TSPAN33: variants seen among roughly 807,000 people sequenced by gnomAD.
TSPAN33 encodes the protein tetraspanin-33.
Under a neutral mutation model 34.8 loss-of-function variants are expected in TSPAN33, and 27 were observed. The ratio of observed to expected loss-of-function variants is 0.78; its 90% CI spans 0.57 to 1.07. The LOEUF (loss-of-function observed/expected upper bound fraction) is 1.07, where lower values mean the gene tolerates loss of function less well. TSPAN33 is among the 50% of genes least tolerant of loss of function. The probability of loss-of-function intolerance (pLI) is 0.00; values close to 1 mark genes in which losing one functional copy is unlikely to be tolerated. For synonymous variants in TSPAN33, 119 were observed against 124.2 expected, an observed-to-expected ratio of 0.96 and a Z score of 0.28; for missense variants, 272 against 324.9, an observed-to-expected ratio of 0.84 and a Z score of 1.25.
At chr7:129,156,640 T>A (rs1445845229) in intron 1 of TSPAN33, among the ~76,000 whole-genome samples, 2 of 152,236 alleles carry the variant, frequency 1.3e-5, no homozygotes, top group Admixed American at 6.5e-5. Context: ...GCCTTGGCCA[T>A]TGGGAGCTCT....
At chr7:129,150,946 A>G (rs1322742377) in intron 1 of TSPAN33, among the ~76,000 whole-genome samples, 2 of 152,146 alleles carry the variant, frequency 1.3e-5, no homozygotes, top group Non-Finnish European at 2.9e-5. Flanking sequence ...AGAGAAAAGA[A>G]AAAAAGCTAA....
In TSPAN33 at chr7:129,150,776, G is replaced by A. The variant is rs1056868977; in HGVS notation, c.102+5694G>A. 3.3e-5 allele frequency among the ~76,000 whole-genome samples: 5 copies of A among 152,240 alleles called. No individual in the cohort carries two copies. In the East Asian group the frequency reaches 9.7e-4, roughly 29 times the overall value. On this transcript the variant is annotated intron_variant, in intron 1 of 7. Transcript: ENST00000486685. ...ATGCTCCTAGAGGTCACCTGCTGGG[G>A]GTGGGCGTGGAGAGTGAGGCTGAGC...
rs1318641947 is a variant in TSPAN33, at chr7:129,167,498, A to T, written c.688A>T (p.Asn230Tyr). The change falls in exon 7 of 8, where the codon AAC (asparagine) becomes TAC (tyrosine). Residue 230 changes from asparagine to tyrosine, a missense_variant. Coordinates refer to ENST00000486685, the MANE Select transcript of TSPAN33 (RefSeq NM_178562.5). This position sits in a 1 kb window ranked among gnomAD's most constrained non-coding sequence, Gnocchi z 4.6. ...YTNGCIDKLV[N>Y]WIHSNLFLLG... ...CAATGGCTGTATTGACAAGTTGGTCAACTGGATACACAGCAACCTATTCTT... is the reference window on the plus strand; with the variant it reads ...CAATGGCTGTATTGACAAGTTGGTCTACTGGATACACAGCAACCTATTCTT... 6.2e-7 allele frequency: 1 copy of T among 1,614,238 alleles called. No homozygotes were observed. The highest frequency in any genetic ancestry group is 1.1e-5 in the South Asian group (1 of 91,086).
chr7:129,165,135 C>A lies in TSPAN33; in HGVS notation c.459+566C>A, dbSNP rs567680592. Among the ~76,000 whole-genome samples, 4 of 152,292 alleles carry A rather than the reference C, an allele frequency of 2.6e-5. No individual in the cohort carries two copies. The South Asian group carries it at 8.3e-4, about 32-fold the overall frequency. Reference sequence around the variant, plus strand: ...AAACTCTGTATCCATCAAACACTAACTCCCCATTTCCTCTCTTGAATCTCT... The same window carrying A: ...AAACTCTGTATCCATCAAACACTAAATCCCCATTTCCTCTCTTGAATCTCT... On this transcript the variant is annotated intron_variant, in intron 5 of 7. Coordinates refer to ENST00000486685, the MANE Select transcript of TSPAN33 (RefSeq NM_178562.5). The surrounding 1 kb of genome is among the most constrained non-coding windows in gnomAD (Gnocchi z 4.5).
chr7:129,168,231 C>T lies in TSPAN33; in HGVS notation c.*357C>T, dbSNP rs111858341. The stretch of plus-strand genomic sequence containing the variant: ...CACCACCAGCTCTAGCAGGGATGCT[C>T]CTGAGCTTGGCGGACATACTTAGAT... On this transcript the variant is annotated 3_prime_UTR_variant, in exon 8 of 8. Coordinates refer to ENST00000486685, the MANE Select transcript of TSPAN33 (RefSeq NM_178562.5). 1,211 of 235,116 alleles carry T rather than the reference C, an allele frequency of 5.2e-3. 2 individuals carry two copies. Among genetic ancestry groups the T allele is most frequent in the Non-Finnish European group, 8.1e-3 (948 of 117,232 alleles). The allele number at this position is 235,116 out of a possible 1,614,324, so 14.6% of individuals were successfully genotyped here.
Position 129,167,484 on chromosome 7 carries a change from T to C in TSPAN33, c.674T>C (p.Ile225Thr). ...ASKVIYTNGCIDKLVNWIHSN... is the reference protein window; with the variant it reads ...ASKVIYTNGCTDKLVNWIHSN... Reference sequence around the variant, plus strand: ...AAAGTCATCTACACCAATGGCTGTATTGACAAGTTGGTCAACTGGATACAC... The same window carrying C: ...AAAGTCATCTACACCAATGGCTGTACTGACAAGTTGGTCAACTGGATACAC... Residue 225 changes from isoleucine to threonine, a missense_variant, in exon 7 of 8, where the codon ATT becomes ACT. Coordinates refer to ENST00000486685, the MANE Select transcript of TSPAN33 (RefSeq NM_178562.5). The surrounding 1 kb of genome is among the most constrained non-coding windows in gnomAD (Gnocchi z 4.6). 3.1e-6 allele frequency: 5 copies of C among 1,614,238 alleles called. No individual in the cohort carries two copies. Among genetic ancestry groups the C allele is most frequent in the Non-Finnish European group, 4.2e-6 (5 of 1,180,030 alleles).
At chr7:129,166,702 G>A in intron 5 of TSPAN33, 76 bp from the exon 6 acceptor site, 1 of 1,557,854 alleles carries the variant, frequency 6.4e-7, no homozygotes, top group South Asian at 1.2e-5. Flanking sequence ...TAGACTTTTG[G>A]TGGCTCTGAG....
intron 1 of TSPAN33, among the ~76,000 whole-genome samples, chr7:129,156,681 C>T (rs1472573939): frequency 6.6e-6 from 1 of 152,152 alleles, no homozygotes; most frequent in East Asian, 1.9e-4. Context: ...CTTTGGGATG[C>T]TCACATTGAT....
chr7:129,151,017 T>C (rs1810586436), intron 1 of TSPAN33, among the ~76,000 whole-genome samples: 3 of 152,232 alleles, frequency 2.0e-5, no homozygotes, highest in South Asian at 2.1e-4. Flanking sequence ...ACTTCCTATA[T>C]ATCCCATGAA....
Position 129,162,447 on chromosome 7 carries a change from G to C in TSPAN33, c.214G>C (p.Gly72Arg). Residue 72 changes from glycine to arginine, a missense_variant, in exon 3 of 8, where the codon GGT becomes CGT. Coordinates refer to ENST00000486685, the MANE Select transcript of TSPAN33 (RefSeq NM_178562.5). Reference protein sequence around the residue: ...VDPAILLIVVGVLMFLLTFCG... With the variant: ...VDPAILLIVVRVLMFLLTFCG... ...CCCTGCCATCCTGCTGATCGTGGTGGGTGTCCTCATGTTCCTGCTCACCTT... is the reference window on the plus strand; with the variant it reads ...CCCTGCCATCCTGCTGATCGTGGTGCGTGTCCTCATGTTCCTGCTCACCTT... 1 of 1,613,946 alleles carries C rather than the reference G, an allele frequency of 6.2e-7. No homozygotes were observed. The highest frequency in any genetic ancestry group is 8.5e-7 in the Non-Finnish European group (1 of 1,180,030).
rs1229796554 is a variant in TSPAN33, at chr7:129,169,500, G to C, written c.*1626G>C. ...GGCGCTCAGACCAGGGGCTCGGCCT[G>C]GCGGGAAATAGCCTCGACCGAACTG... is the stretch of plus-strand genomic sequence containing the variant. On this transcript the variant is annotated 3_prime_UTR_variant, in exon 8 of 8. Coordinates refer to ENST00000486685, the MANE Select transcript of TSPAN33 (RefSeq NM_178562.5). 1.3e-5 allele frequency: 2 copies of C among 152,258 alleles called. No homozygotes were observed. Among genetic ancestry groups the C allele is most frequent in the Admixed American group, 1.3e-4 (2 of 15,276 alleles). The allele number at this position is 152,258 out of a possible 1,614,324, so 9.4% of individuals were successfully genotyped here.
At chr7:129,145,564 A>AC (rs932892610) in intron 1 of TSPAN33, among the ~76,000 whole-genome samples, 9 of 127,218 alleles carry the variant, frequency 7.1e-5, no homozygotes, top group Non-Finnish European at 1.5e-4. Context: ...CCCCACCTCC[A>AC]CCCCCCCAAA....
intron 1 of TSPAN33, among the ~76,000 whole-genome samples, chr7:129,149,245 C>A (rs1461278569): frequency 6.6e-6 from 1 of 152,162 alleles, no homozygotes; most frequent in Non-Finnish European, 1.5e-5. Context: ...AAACCATAAA[C>A]GTCAAGCAGC....
At chr7:129,155,778 G>A (rs1393336259) in intron 1 of TSPAN33, among the ~76,000 whole-genome samples, 1 of 151,928 alleles carries the variant, frequency 6.6e-6, no homozygotes. Flanking sequence ...CTGGAGTGCA[G>A]TGGCACAATC....
chr7:129,162,649 G>A, intron 3 of TSPAN33, 128 bp downstream of exon 3: 1 of 1,508,500 alleles, frequency 6.6e-7, no homozygotes, highest in East Asian at 2.3e-5. Context: ...CCTCAGTGCA[G>A]AGCTTAGCCC....
chr7:129,167,046 C>A lies in TSPAN33; in HGVS notation c.588+140C>A. 2 of 1,009,920 alleles carry A rather than the reference C, an allele frequency of 2.0e-6. No homozygotes were observed. The highest frequency in any genetic ancestry group is 2.4e-5 in the East Asian group (1 of 41,570). 62.6% of individuals were successfully genotyped at this position (1,009,920 alleles called of 1,614,324 possible). ...ACAGCTGTCAGGTGTTTTTCTTCACCCCAACCTGATGCTTCTATTAACCTC... is the reference window on the plus strand; with the variant it reads ...ACAGCTGTCAGGTGTTTTTCTTCACACCAACCTGATGCTTCTATTAACCTC... On this transcript the variant is annotated intron_variant, in intron 6 of 7. Coordinates refer to ENST00000486685, the MANE Select transcript of TSPAN33 (RefSeq NM_178562.5). This position sits in a 1 kb window ranked among gnomAD's most constrained non-coding sequence, Gnocchi z 4.6.
chr7:129,153,059 CAAAAA>C (rs35432172), intron 1 of TSPAN33, among the ~76,000 whole-genome samples: 3 of 82,454 alleles, frequency 3.6e-5, no homozygotes, highest in East Asian at 3.5e-4. Flanking sequence ...AACTCCGTCT[CAAAAA>C]AAAAAAAAAA....
rs1355685431 is a variant in TSPAN33, at chr7:129,169,241, G to T, written c.*1367G>T. Among the ~76,000 whole-genome samples, 1 of 152,212 alleles carries T rather than the reference G, an allele frequency of 6.6e-6. No individual in the cohort carries two copies. The highest frequency in any genetic ancestry group is 2.4e-5 in the African/African-American group (1 of 41,454). On this transcript the variant is annotated 3_prime_UTR_variant, in exon 8 of 8. Coordinates refer to ENST00000486685, the MANE Select transcript of TSPAN33 (RefSeq NM_178562.5). Reference sequence around the variant, plus strand: ...ACCTTCTCCCTGAGTCGGCTGTAGGGAGGACTCCGAGGAAGCTCGGCGCGG... The same window carrying T: ...ACCTTCTCCCTGAGTCGGCTGTAGGTAGGACTCCGAGGAAGCTCGGCGCGG...
At chr7:129,163,561 A>G (rs897921820) in intron 4 of TSPAN33, among the ~76,000 whole-genome samples, 9 of 152,294 alleles carry the variant, frequency 5.9e-5, no homozygotes, top group Admixed American at 3.9e-4. Context: ...CTTTTTAAGA[A>G]CCAGAATGTC....
Sources: allele counts gnomAD v4.1 joint callset (sites outside exome capture counted in the v4.1 genomes callset), GRCh38; gene constraint gnomAD v4.1.1; non-coding constraint Gnocchi (gnomAD v3.1); transcripts MANE v1.5; gene names NCBI Gene and HGNC (gene_info 2026-07-23, HGNC 2026-07-21).